CFAP58: variants seen among roughly 807,000 people sequenced by gnomAD.
CFAP58 encodes cilia- and flagella-associated protein 58.
CFAP58 carries 88 observed loss-of-function variants against 119.5 expected under a neutral mutation model. The ratio of observed to expected loss-of-function variants is 0.74; its 90% confidence interval spans 0.62 to 0.88. CFAP58 has a LOEUF of 0.88. CFAP58 is among the 40% of genes least tolerant of loss of function. CFAP58 has a pLI of 0.00. For missense variants in CFAP58, 990 were observed against 1,021.2 expected (o/e 0.97, Z 0.42); for synonymous variants, 365 against 366.3 (o/e 1.00, Z 0.04).
the CFAP58 span, among the ~76,000 whole-genome samples, chr10:104,339,545 A>G: frequency 6.6e-6 from 1 of 152,368 alleles, no homozygotes; most frequent in South Asian, 2.1e-4. Context: ...ATTGGAACAC[A>G]GTGTCCAAAA....
At chr10:104,415,254 C>T (rs370352521) in intron 15 of CFAP58, among the ~76,000 whole-genome samples, 30 of 151,322 alleles carry the variant, frequency 2.0e-4, no homozygotes, top group Admixed American at 1.7e-3. Context: ...AAGCTGGAGT[C>T]GGGGAGCAGG....
At chr10:104,377,090 A>G (rs1564884393) in intron 8 of CFAP58, among the ~76,000 whole-genome samples, 197 bp downstream of exon 8, 1 of 152,314 alleles carries the variant, frequency 6.6e-6, no homozygotes. Flanking sequence ...TTGCGTTATC[A>G]CCTGAGAACA....
chr10:104,451,738 G>A (rs535843132), intron 17 of CFAP58, among the ~76,000 whole-genome samples: 8 of 152,256 alleles, frequency 5.3e-5, no homozygotes, highest in African/African-American at 1.4e-4. Flanking sequence ...ACCCTTATCA[G>A]TAAAACTCTT....
chr10:104,381,194 A>G (rs1015706299), intron 9 of CFAP58, among the ~76,000 whole-genome samples: 1 of 152,088 alleles, frequency 6.6e-6, no homozygotes, highest in African/African-American at 2.4e-5. Context: ...AACAAACACC[A>G]CTGGAGGAAA....
At chr10:104,339,070 G>C in the CFAP58 span, among the ~76,000 whole-genome samples, 1 of 152,060 alleles carries the variant, frequency 6.6e-6, no homozygotes, top group Non-Finnish European at 1.5e-5. Flanking sequence ...CACCACGCCC[G>C]GCTAATTTTG....
rs146079491 is a variant in CFAP58 at position 104,404,351 on chromosome 10, G to A, written c.2151+511G>A. On this transcript the variant is annotated intron_variant, in intron 14 of 17. Transcript: ENST00000369704. ...ACACAGCTAAAGTCCCATTGGTAGG[G>A]GATGGATAATCAACTTCATATTTAA... Among the ~76,000 whole-genome samples the A allele has an allele frequency of 5.3e-5, 8 of 152,254 alleles. No homozygotes were observed. The East Asian group carries it at 1.5e-3, about 29-fold the overall frequency.
Position 104,357,884 on chromosome 10 carries a change from TATATAAACATATATGTACAC to T in CFAP58, c.10-451_10-432del, listed in dbSNP as rs1564875762. Among the ~76,000 whole-genome samples the T allele has an allele frequency of 2.3e-4, 27 of 119,680 alleles. 2 individuals carry two copies. Among genetic ancestry groups the T allele is most frequent in the African/African-American group, 5.4e-4 (14 of 25,742 alleles). The allele number at this position is 119,680 out of a possible 152,430, so 78.5% of individuals were successfully genotyped here. On this transcript the variant is annotated intron_variant, in intron 1 of 17. Transcript: ENST00000369704. ...ACATATATACACATATATGTACACATATATAAACATATATGTACACATATACACACATATATGTACACATA... is the reference window on the plus strand; with the variant it reads ...ACATATATACACATATATGTACACATATATACACACATATATGTACACATA...
intron 1 of CFAP58, among the ~76,000 whole-genome samples, chr10:104,357,396 A>G (rs1291892599): frequency 1.3e-5 from 2 of 152,122 alleles, no homozygotes; most frequent in Admixed American, 1.3e-4. Flanking sequence ...CTTTTGGGAG[A>G]TAAGTGCATA....
At chr10:104,373,796 A>G (rs1405130823) in intron 7 of CFAP58, among the ~76,000 whole-genome samples, 1 of 152,198 alleles carries the variant, frequency 6.6e-6, no homozygotes, top group Non-Finnish European at 1.5e-5. Flanking sequence ...ACAAGGGAAG[A>G]TTTGCCTTCC....
chr10:104,383,357 A>C lies in CFAP58; in HGVS notation c.1365+3137A>C, dbSNP rs888158798. ...TGGGGGCAAGGACTTTATTTCATTCATTTCTTTATTTCTAGCATCCTGGCA... is the reference window on the plus strand; with the variant it reads ...TGGGGGCAAGGACTTTATTTCATTCCTTTCTTTATTTCTAGCATCCTGGCA... On this transcript the variant is annotated intron_variant, in intron 9 of 17. Coordinates refer to ENST00000369704, the MANE Select transcript of CFAP58 (RefSeq NM_001008723.2). Among the ~76,000 whole-genome samples, 3 of 152,092 alleles carry C rather than the reference A, an allele frequency of 2.0e-5. No individual in the cohort carries two copies. In the East Asian group the frequency reaches 5.8e-4, roughly 29 times the overall value.
intron 11 of CFAP58, among the ~76,000 whole-genome samples, chr10:104,398,235 C>A (rs1420131673): frequency 1.3e-5 from 2 of 152,234 alleles, no homozygotes; most frequent in African/African-American, 4.8e-5. Context: ...TATCCATCAT[C>A]TTCAATGGAT....
intron 15 of CFAP58, among the ~76,000 whole-genome samples, chr10:104,446,395 A>G (rs1344385975): frequency 6.6e-6 from 1 of 152,210 alleles, no homozygotes; most frequent in Non-Finnish European, 1.5e-5. Flanking sequence ...ACACTCTTCT[A>G]TAAATAGAGC....
At chr10:104,390,826 G>T (rs1044406861) in intron 9 of CFAP58, among the ~76,000 whole-genome samples, 1 of 151,920 alleles carries the variant, frequency 6.6e-6, no homozygotes, top group Non-Finnish European at 1.5e-5. Context: ...TATATATAAA[G>T]AAATTAAAAT....
In CFAP58 at chr10:104,396,369, T is replaced by TGAGAGA. The variant is rs57210958; in HGVS notation, c.1675-2926_1675-2921dup. Among the ~76,000 whole-genome samples the TGAGAGA allele has an allele frequency of 3.9e-4, 34 of 86,850 alleles. 1 individual carries two copies. The highest frequency in any genetic ancestry group is 7.5e-4 in the Admixed American group (5 of 6,688). The allele number at this position is 86,850 out of a possible 152,430, so 57.0% of individuals were successfully genotyped here. On this transcript the variant is annotated intron_variant, in intron 11 of 17. Transcript: ENST00000369704. ...GCCATGGATAGGGAGCTGTTATCCA[T>TGAGAGA]GAGAGAGAGAGAGAGAGAGAGAGAG...
intron 9 of CFAP58, chr10:104,382,355 A>G: frequency 5.4e-6 from 3 of 555,954 alleles, no homozygotes; most frequent in Admixed American, 6.0e-5. Flanking sequence ...TGAACATAAA[A>G]TGTCATCTGT....
chr10:104,408,826 CA>C (rs2012408571), intron 15 of CFAP58, among the ~76,000 whole-genome samples: 1 of 152,070 alleles, frequency 6.6e-6, no homozygotes, highest in African/African-American at 2.4e-5. Flanking sequence ...GGGTTGGGTG[CA>C]GTGGATCATG....
intron 13 of CFAP58, among the ~76,000 whole-genome samples, chr10:104,402,126 C>T (rs2012277004): frequency 6.6e-6 from 1 of 152,176 alleles, no homozygotes; most frequent in African/African-American, 2.4e-5. Flanking sequence ...GAATTCCAAT[C>T]TGTCTGGCTA....
intron 15 of CFAP58, among the ~76,000 whole-genome samples, chr10:104,438,662 A>G (rs914716514): frequency 1.3e-5 from 2 of 152,158 alleles, no homozygotes; most frequent in Non-Finnish European, 2.9e-5. Context: ...GGCGTGAGCC[A>G]CCGCGCCCGG....
At chr10:104,341,734 T>G in the CFAP58 span, among the ~76,000 whole-genome samples, 203 of 152,088 alleles carry the variant, frequency 1.3e-3, no homozygotes, top group African/African-American at 4.5e-3. Flanking sequence ...CAAAGAATAT[T>G]ACATCATTAA....
Sources: allele counts gnomAD v4.1 joint callset (sites outside exome capture counted in the v4.1 genomes callset), GRCh38; gene constraint gnomAD v4.1.1; transcripts MANE v1.5; gene names NCBI Gene and HGNC (gene_info 2026-07-23, HGNC 2026-07-21).